The following PCDHGB1 variants were observed in gnomAD, a reference collection of about 807,000 sequenced individuals.
PCDHGB1 encodes protocadherin gamma-B1.
Under a neutral mutation model 56.6 loss-of-function variants are expected in PCDHGB1, and 34 were observed. That is an observed-to-expected ratio of 0.60 (90% confidence interval 0.46 to 0.80). PCDHGB1 has a LOEUF of 0.80. Ranked by LOEUF, PCDHGB1 falls within the 30% of genes least tolerant of loss-of-function variation. The probability of loss-of-function intolerance (pLI) is 0.00; values close to 1 mark genes in which losing one functional copy is unlikely to be tolerated. For synonymous variants in PCDHGB1, 561 were observed against 505.9 expected, an observed-to-expected ratio of 1.11 and a Z score of -1.46; for missense variants, 1,278 against 1,204.6, an observed-to-expected ratio of 1.06 and a Z score of -0.90.
At chr5:141,442,445 T>A (rs2098325574) in intron 1 of PCDHGB1, 1 of 152,198 alleles carries the variant, frequency 6.6e-6, no homozygotes, top group South Asian at 2.1e-4. Flanking sequence ...CCCTCAGGAC[T>A]CAATAGCAGT....
At chr5:141,389,338 T>C in intron 1 of PCDHGB1, 1 of 1,613,982 alleles carries the variant, frequency 6.2e-7, no homozygotes, top group South Asian at 1.1e-5. Flanking sequence ...AACGGCCAAG[T>C]CTCTTACTGC....
intron 1 of PCDHGB1, chr5:141,441,731 C>G: frequency 2.8e-6 from 1 of 362,226 alleles, no homozygotes; most frequent in South Asian, 2.2e-5. Context: ...GCGACCAGGA[C>G]TAGCTCGCGC....
chr5:141,370,342 AT>A lies in PCDHGB1; in HGVS notation c.2409+17676del, dbSNP rs1766823822. ...TCCTGCTCGGAGAACTCTTGGGATTATTTAAAGATCTCCTCTCCTCGGATTT... is the reference window on the plus strand; with the variant it reads ...TCCTGCTCGGAGAACTCTTGGGATTATTAAAGATCTCCTCTCCTCGGATTT... On this transcript the variant is annotated intron_variant, in intron 1 of 3. Coordinates refer to ENST00000523390, the MANE Select transcript of PCDHGB1 (RefSeq NM_018922.3). 37 of 1,476,030 alleles carry A rather than the reference AT, an allele frequency of 2.5e-5. 2 individuals carry two copies. The South Asian group carries it at 5.1e-4, about 20-fold the overall frequency. The allele number at this position is 1,476,030 out of a possible 1,614,324, so 91.4% of individuals were successfully genotyped here. A position where few individuals can be genotyped will look rare whatever the true frequency, so the allele number is the denominator to read the frequency against.
chr5:141,471,003 C>A (rs2099246040), intron 1 of PCDHGB1, among the ~76,000 whole-genome samples: 1 of 151,658 alleles, frequency 6.6e-6, no homozygotes, highest in East Asian at 1.9e-4. Flanking sequence ...AGGCATGAGC[C>A]ACTGTGCCTG....
chr5:141,374,856 G>A, intron 1 of PCDHGB1: 1 of 1,613,686 alleles, frequency 6.2e-7, no homozygotes, highest in South Asian at 1.1e-5. Flanking sequence ...CTGCCAGTAG[G>A]CACACCAGTG....
At chr5:141,399,041 T>A (rs375762745) in intron 1 of PCDHGB1, 150 of 1,613,746 alleles carry the variant, frequency 9.3e-5, no homozygotes, top group Non-Finnish European at 1.2e-4. Context: ...AAACTGGATT[T>A]TGAAGAGACC....
rs775081505 is a variant in PCDHGB1 at position 141,486,730 on chromosome 5, T to C, written c.2410-8077T>C. ...ACCCCCAGACAGGAGCTGTTCATGC[T>C]ACTCGATCCTTTGACTATGAGCAAA... On this transcript the variant is annotated intron_variant, in intron 1 of 3. Coordinates refer to ENST00000523390, the MANE Select transcript of PCDHGB1 (RefSeq NM_018922.3). This position sits in a 1 kb window ranked among gnomAD's most constrained non-coding sequence, Gnocchi z 5.0. 1 of 1,614,120 alleles carries C rather than the reference T, an allele frequency of 6.2e-7. No homozygotes were observed. Among genetic ancestry groups the C allele is most frequent in the Non-Finnish European group, 8.5e-7 (1 of 1,180,050 alleles).
intron 1 of PCDHGB1, among the ~76,000 whole-genome samples, chr5:141,472,542 GA>G (rs904556404): frequency 1.6e-4 from 23 of 147,144 alleles, no homozygotes; most frequent in African/African-American, 4.2e-4. Context: ...ACCATCTCAA[GA>G]AAAAAAAAAT....
chr5:141,430,580 G>A, intron 1 of PCDHGB1: 1 of 478,526 alleles, frequency 2.1e-6, no homozygotes, highest in Admixed American at 3.8e-5. Context: ...CGGAGATCCT[G>A]CTCGCCTTGC....
chr5:141,372,867 T>A, intron 1 of PCDHGB1: 1 of 1,387,652 alleles, frequency 7.2e-7, no homozygotes, highest in Non-Finnish European at 9.7e-7. Context: ...TTCATTGATT[T>A]AGAGATAAAA....
At position 141,384,752 on chromosome 5, in the gene PCDHGB1, C is replaced by T. The variant is rs974144646; in HGVS notation, c.2409+32083C>T. 6.2e-6 allele frequency: 10 copies of T among 1,613,906 alleles called. No individual in the cohort carries two copies. The African/African-American group carries it at 6.7e-5, about 11-fold the overall frequency. ...AAGGCCAGCGAGCCAGGACTCTTTG[C>T]GGTTGGGCTGTACACGGGCGAGGTG... On this transcript the variant is annotated intron_variant, in intron 1 of 3. Coordinates refer to ENST00000523390, the MANE Select transcript of PCDHGB1 (RefSeq NM_018922.3).
chr5:141,429,910 T>C (rs2097252047), intron 1 of PCDHGB1, among the ~76,000 whole-genome samples: 1 of 152,230 alleles, frequency 6.6e-6, no homozygotes, highest in East Asian at 1.9e-4. Context: ...TTTTGAAATA[T>C]AATGTATTAA....
chr5:141,505,252 C>T (rs2099844831), intron 2 of PCDHGB1, 141 bp from the exon 3 acceptor site: 1 of 1,454,140 alleles, frequency 6.9e-7, no homozygotes, highest in Non-Finnish European at 9.2e-7. Context: ...TGTAGAAGTG[C>T]CTCCTACCTT....
intron 1 of PCDHGB1, chr5:141,389,206 G>A: frequency 6.2e-7 from 1 of 1,614,014 alleles, no homozygotes; most frequent in Non-Finnish European, 8.5e-7. Context: ...CTGCACATTG[G>A]TGATGTAAAT....
rs767701229 is a variant in PCDHGB1, at chr5:141,405,417, T to TTTTTG, written c.2409+52763_2409+52767dup. 250 of 1,563,234 alleles carry TTTTTG rather than the reference T, an allele frequency of 1.6e-4. 1 individual carries two copies. Among genetic ancestry groups the TTTTTG allele is most frequent in the Admixed American group, 1.3e-4 (7 of 55,240 alleles). On this transcript the variant is annotated intron_variant, in intron 1 of 3. Coordinates refer to ENST00000523390, the MANE Select transcript of PCDHGB1 (RefSeq NM_018922.3). The stretch of plus-strand genomic sequence containing the variant: ...TTCTTTCTTTCTTTTCTTTTTTTGT[T>TTTTTG]TTTTGTTTTGTTTTGTTTTTGAGAC...
In PCDHGB1 at chr5:141,350,749, A is replaced by G. The variant is rs753374370; in HGVS notation, c.489A>G (p.Ser163=). 1.3e-5 allele frequency: 21 copies of G among 1,613,854 alleles called. No homozygotes were observed. In the East Asian group the frequency reaches 3.6e-4, roughly 27 times the overall value. ...SAQDADVEGN[S]LKLYTINPNQ... Reference sequence around the variant, plus strand: ...AAGATGCAGATGTGGAAGGCAATTCACTGAAGTTATACACCATCAACCCCA... The same window carrying G: ...AAGATGCAGATGTGGAAGGCAATTCGCTGAAGTTATACACCATCAACCCCA... The change falls in exon 1 of 4, where the codon TCA becomes TCG. Residue 163 remains serine, a synonymous_variant. Coordinates refer to ENST00000523390, the MANE Select transcript of PCDHGB1 (RefSeq NM_018922.3).
chr5:141,478,049 A>G, intron 1 of PCDHGB1: 2 of 1,614,056 alleles, frequency 1.2e-6, no homozygotes, highest in Middle Eastern at 3.3e-4. Flanking sequence ...GCAGACTCTC[A>G]CGGTCTTGAT....
Position 141,351,055 on chromosome 5 carries a change from C to T in PCDHGB1, c.795C>T (p.Asp265=), listed in dbSNP as rs920408141. Residue 265 remains aspartate, a synonymous_variant, in exon 1 of 4, where the codon GAC becomes GAT. Coordinates refer to ENST00000523390, the MANE Select transcript of PCDHGB1 (RefSeq NM_018922.3). ...GTSVLRVMAT[D]QDEGINAEIT... ...CCGTGCTGCGGGTGATGGCCACAGA[C>T]CAGGATGAGGGCATTAATGCAGAGA... 6.2e-7 allele frequency: 1 copy of T among 1,614,046 alleles called. No homozygotes were observed. Among genetic ancestry groups the T allele is most frequent in the Non-Finnish European group, 8.5e-7 (1 of 1,179,890 alleles).
intron 1 of PCDHGB1, chr5:141,383,550 C>A: frequency 6.2e-7 from 1 of 1,612,098 alleles, no homozygotes; most frequent in Non-Finnish European, 8.5e-7. Flanking sequence ...CCTCTGATGG[C>A]GGCGACCCGC....
Sources: allele counts gnomAD v4.1 joint callset (sites outside exome capture counted in the v4.1 genomes callset), GRCh38; gene constraint gnomAD v4.1.1; non-coding constraint Gnocchi (gnomAD v3.1); transcripts MANE v1.5; gene names NCBI Gene and HGNC (gene_info 2026-07-23, HGNC 2026-07-21).